Variants in CMYA5 observed in about 807,000 individuals in gnomAD.
CMYA5 encodes the protein cardiomyopathy associated 5, also known as cardiomyopathy-associated protein 5.
In CMYA5, 246 loss-of-function variants were observed where a neutral mutation model predicts 318.9. The ratio of observed to expected loss-of-function variants is 0.77; its 90% confidence interval spans 0.70 to 0.86. CMYA5 has a LOEUF of 0.86. Ranked by LOEUF, CMYA5 falls within the 40% of genes least tolerant of loss-of-function variation. The pLI is 0.00. For missense variants in CMYA5, 4,589 were observed against 4,678.2 expected (o/e 0.98, Z 0.56); for synonymous variants, 1,641 against 1,729.5 (o/e 0.95, Z 1.27).
At chr5:79,758,934 T>C in intron 7 of CMYA5, 32 bp downstream of exon 7, 1 of 1,484,652 alleles carries the variant, frequency 6.7e-7, no homozygotes, top group East Asian at 2.5e-5. Context: ...CAAATGCATA[T>C]GCATATTCAT....
intron 6 of CMYA5, among the ~76,000 whole-genome samples, chr5:79,755,541 C>T (rs2151093211): frequency 6.6e-6 from 1 of 152,280 alleles, no homozygotes; most frequent in South Asian, 2.1e-4. Flanking sequence ...CCCTCCTTGG[C>T]CTCCCAAAGT....
chr5:79,764,853 A>G (rs1433209581), intron 9 of CMYA5, among the ~76,000 whole-genome samples: 3 of 151,634 alleles, frequency 2.0e-5, no homozygotes, highest in African/African-American at 4.9e-5. Flanking sequence ...TTTTCTTGTA[A>G]ATTTGTTTAA....
rs535099709 is a variant in CMYA5 at position 79,719,759 on chromosome 5, C to T, written c.150-9156C>T. Among the ~76,000 whole-genome samples, 96 of 152,176 alleles carry T rather than the reference C, an allele frequency of 6.3e-4. 1 individual carries two copies. The highest frequency in any genetic ancestry group is 2.2e-3 in the Admixed American group (33 of 15,276). ...AGCTCTCATCTCACAAAGAGTAATG[C>T]TTGCTCAGGGCATAGCTGGACTACT... On this transcript the variant is annotated intron_variant, in intron 1 of 12. Transcript: ENST00000446378.
chr5:79,791,075 T>A lies in CMYA5; in HGVS notation c.11789+6T>A. On this transcript the variant is annotated splice_donor_region_variant and intron_variant, in intron 11 of 12. Coordinates refer to ENST00000446378, the MANE Select transcript of CMYA5 (RefSeq NM_153610.5). Reference sequence around the variant, plus strand: ...GAGAGGAGACGGCTGACGGAGTAAGTAGAAGAAGAAAGCACAAGTGGGCTG... The same window carrying A: ...GAGAGGAGACGGCTGACGGAGTAAGAAGAAGAAGAAAGCACAAGTGGGCTG... 1 of 1,606,598 alleles carries A rather than the reference T, an allele frequency of 6.2e-7. No individual in the cohort carries two copies.
At chr5:79,751,070 T>C (rs1483277982) in intron 5 of CMYA5, among the ~76,000 whole-genome samples, 4 of 152,142 alleles carry the variant, frequency 2.6e-5, no homozygotes, top group African/African-American at 4.8e-5. Flanking sequence ...CTAGACCCTA[T>C]GGGGTTCTCC....
At chr5:79,798,862 A>G (rs259103) in intron 12 of CMYA5, among the ~76,000 whole-genome samples, 74,415 of 152,098 alleles carry the variant, frequency 0.49, 19,022 homozygotes, top group East Asian at 0.68. Flanking sequence ...AAGGGGGAGC[A>G]GAAACAAAGG....
At chr5:79,762,005 T>C in intron 8 of CMYA5, 48 bp downstream of exon 8, 2 of 1,569,718 alleles carry the variant, frequency 1.3e-6, no homozygotes, top group South Asian at 1.2e-5. Flanking sequence ...CGCTCAGTTC[T>C]TCACAGACTC....
chr5:79,731,739 A>G lies in CMYA5; in HGVS notation c.2974A>G (p.Thr992Ala), dbSNP rs1484291428. The change falls in exon 2 of 13, where the codon ACT (threonine) becomes GCT (alanine). Residue 992 changes from threonine (T) to alanine (A), a missense_variant. Coordinates refer to ENST00000446378, the MANE Select transcript of CMYA5 (RefSeq NM_153610.5). Reference sequence around the variant, plus strand: ...GCACACTATTTTGTCAGATGAAGACACTGAAGAAGCGGAACTGTTCTCTCC... The same window carrying G: ...GCACACTATTTTGTCAGATGAAGACGCTGAAGAAGCGGAACTGTTCTCTCC... ...SEHTILSDED[T>A]EEAELFSPDS... 1.2e-6 allele frequency: 2 copies of G among 1,613,936 alleles called. No homozygotes were observed. The highest frequency in any genetic ancestry group is 1.1e-5 in the South Asian group (1 of 91,066).
chr5:79,733,317 T>C lies in CMYA5; in HGVS notation c.4552T>C (p.Ser1518Pro). 6.2e-7 allele frequency: 1 copy of C among 1,613,708 alleles called. No individual in the cohort carries two copies. Residue 1518 changes from serine to proline, a missense_variant, in exon 2 of 13, where the codon TCT becomes CCT. Ser to Pro is a moderately conservative substitution (Grantham distance 74). Transcript: ENST00000446378. ...LVSSQKKSLM[S>P]TSEVLEPEHE... Reference sequence around the variant, plus strand: ...TTCATCACAGAAGAAGAGCTTGATGTCTACCTCAGAGGTGTTAGAGCCTGA... The same window carrying C: ...TTCATCACAGAAGAAGAGCTTGATGCCTACCTCAGAGGTGTTAGAGCCTGA...
In CMYA5 at chr5:79,793,442, C is replaced by T. The variant is rs1288229400; in HGVS notation, c.11795C>T (p.Pro3932Leu). The T allele has an allele frequency of 6.2e-6, 10 of 1,610,606 alleles. No homozygotes were observed. The highest frequency in any genetic ancestry group is 1.7e-4 in the Middle Eastern group (1 of 6,000). ...FGERRRLTEIPSVLGEELPSC... is the reference protein window; with the variant it reads ...FGERRRLTEILSVLGEELPSC... ...CTGATTGACTTCACCCACAGAATCC[C>T]GTCAGTGCTGGGTGAGGAGCTGCCT... is the stretch of plus-strand genomic sequence containing the variant. Residue 3932 changes from proline to leucine, a missense_variant, in exon 12 of 13, where the codon CCG (proline) becomes CTG (leucine). Transcript: ENST00000446378.
At chr5:79,798,675 A>G (rs1163229227) in intron 12 of CMYA5, among the ~76,000 whole-genome samples, 1 of 152,194 alleles carries the variant, frequency 6.6e-6, no homozygotes, top group African/African-American at 2.4e-5. Context: ...CAAGGACAGC[A>G]CTTCATGTCC....
In CMYA5 at chr5:79,733,284, C is replaced by T. The variant is rs753695586; in HGVS notation, c.4519C>T (p.Arg1507Cys). The stretch of plus-strand genomic sequence containing the variant: ...ATTTTCTACAGTCTGTGACTCTGAA[C>T]GTTTGGTTTCATCACAGAAGAAGAG... ...LLFSTVCDSERLVSSQKKSLM... is the reference protein window; with the variant it reads ...LLFSTVCDSECLVSSQKKSLM... Residue 1507 changes from arginine (R) to cysteine (C), a missense_variant, in exon 2 of 13, where the codon CGT becomes TGT. Arg to Cys is a radical substitution (Grantham distance 180). Transcript: ENST00000446378. 3.7e-6 allele frequency: 6 copies of T among 1,613,508 alleles called. No individual in the cohort carries two copies. Among genetic ancestry groups the T allele is most frequent in the South Asian group, 2.2e-5 (2 of 91,080 alleles).
rs752682497 is a variant in CMYA5, at chr5:79,735,220, C to G, written c.6455C>G (p.Thr2152Arg). ...CAATCCCCAGAGTCACCTGAGGTGA[C>G]ACAAAATCCACCTACACAACCAAAG... Reference protein sequence around the residue: ...EPQSPESPEVTQNPPTQPKVA... With the variant: ...EPQSPESPEVRQNPPTQPKVA... Residue 2152 changes from threonine to arginine, a missense_variant, in exon 2 of 13, where the codon ACA becomes AGA. Physicochemically the swap from Thr to Arg is moderately conservative, Grantham distance 71. Coordinates refer to ENST00000446378, the MANE Select transcript of CMYA5 (RefSeq NM_153610.5). 2.7e-5 allele frequency: 44 copies of G among 1,613,852 alleles called. No homozygotes were observed. In the East Asian group the frequency reaches 8.5e-4, roughly 31 times the overall value.
At chr5:79,728,429 G>T (rs930950281) in intron 1 of CMYA5, among the ~76,000 whole-genome samples, 1 of 152,036 alleles carries the variant, frequency 6.6e-6, no homozygotes, top group Non-Finnish European at 1.5e-5. Context: ...GGCACAGTGG[G>T]TTAAGAGTGG....
At chr5:79,776,092 G>C (rs1277351308) in intron 9 of CMYA5, among the ~76,000 whole-genome samples, 2 of 152,052 alleles carry the variant, frequency 1.3e-5, no homozygotes, top group Non-Finnish European at 2.9e-5. Flanking sequence ...TTTCTACAGT[G>C]TTGTGAACTA....
rs765521624 is a variant in CMYA5, at chr5:79,761,815, G to A, written c.11265G>A (p.Leu3755=). 3.1e-6 allele frequency: 5 copies of A among 1,612,264 alleles called. No homozygotes were observed. The Admixed American group carries it at 8.4e-5, about 27-fold the overall frequency. Residue 3755 remains leucine, a synonymous_variant, in exon 8 of 13, where the codon TTG becomes TTA. Coordinates refer to ENST00000446378, the MANE Select transcript of CMYA5 (RefSeq NM_153610.5). ...EPQDDQEVNE[L]VEEYRLTVKE... is the part of the protein sequence containing the mutation. ...TTTAATTGTGTCTTATGCTAGAGTT[G>A]GTAGAAGAATACAGACTGACAGTGA...
Position 79,733,185 on chromosome 5 carries a change from G to A in CMYA5, c.4420G>A (p.Val1474Ile), listed in dbSNP as rs774092558. Residue 1474 changes from valine (V) to isoleucine (I), a missense_variant, in exon 2 of 13, where the codon GTA becomes ATA. Val to Ile is a conservative substitution (Grantham distance 29). Around this residue, in one of 3 missense-constraint regions of CMYA5, gnomAD observed 2,132 missense variants for 2,131.3 expected, o/e 1.00. Coordinates refer to ENST00000446378, the MANE Select transcript of CMYA5 (RefSeq NM_153610.5). ...CAAAGAAGTTAAAGCTGGGTTGCCA[G>A]TAATCAAAACATCATCTTCTCAGCA... ...EAKEVKAGLP[V>I]IKTSSSQHSD... is the part of the protein sequence containing the mutation. 2.5e-6 allele frequency: 4 copies of A among 1,613,646 alleles called. No individual in the cohort carries two copies. Among genetic ancestry groups the A allele is most frequent in the African/African-American group, 2.7e-5 (2 of 74,930 alleles).
Position 79,763,163 on chromosome 5 carries a change from A to T in CMYA5, c.11509A>T (p.Thr3837Ser). The T allele has an allele frequency of 6.2e-7, 1 of 1,611,874 alleles. No individual in the cohort carries two copies. Among genetic ancestry groups the T allele is most frequent in the Non-Finnish European group, 8.5e-7 (1 of 1,179,306 alleles). ...CACCCCAGAGGCCACGGAGACCTAC[A>T]CTCTGGAGTACTGCAGACAGCACTC... Reference protein sequence around the residue: ...PTTPEATETYTLEYCRQHSPE... With the variant: ...PTTPEATETYSLEYCRQHSPE... The change falls in exon 9 of 13, where the codon ACT becomes TCT. Residue 3837 changes from threonine to serine, a missense_variant. Transcript: ENST00000446378.
intron 1 of CMYA5, among the ~76,000 whole-genome samples, chr5:79,714,231 T>A (rs1297530618): frequency 6.6e-6 from 1 of 152,084 alleles, no homozygotes; most frequent in Non-Finnish European, 1.5e-5. Context: ...TCCTTTTACC[T>A]GAATTGCTTC....
Sources: allele counts gnomAD v4.1 joint callset (sites outside exome capture counted in the v4.1 genomes callset), GRCh38; gene constraint gnomAD v4.1.1; regional missense constraint gnomAD v4.1.1; transcripts MANE v1.5; gene names NCBI Gene and HGNC (gene_info 2026-07-23, HGNC 2026-07-21).